The following MTSS1 variants were observed in gnomAD, a reference collection of about 807,000 sequenced individuals.
MTSS1 encodes protein MTSS 1.
A neutral mutation model predicts 79.0 loss-of-function variants in MTSS1; 18 were observed. That is an observed-to-expected ratio of 0.23 (90% CI 0.16 to 0.34). The LOEUF (loss-of-function observed/expected upper bound fraction) is 0.34, where lower values mean the gene tolerates loss of function less well. Among genes scored for constraint, MTSS1 ranks in the 10% least tolerant of loss-of-function variants. MTSS1 has a pLI of 1.00. For missense variants in MTSS1, 815 were observed against 986.2 expected, an observed-to-expected ratio of 0.83 and a Z score of 2.33; for synonymous variants, 341 against 368.6, an observed-to-expected ratio of 0.93 and a Z score of 0.86.
intron 3 of MTSS1, among the ~76,000 whole-genome samples, chr8:124,660,471 C>CAA (rs1554703739): frequency 4.3e-4 from 65 of 150,374 alleles, no homozygotes; most frequent in African/African-American, 1.5e-3. Context: ...CACACACACA[C>CAA]ACCCTCAAGC....
chr8:124,600,362 T>C (rs1833576164), intron 3 of MTSS1, among the ~76,000 whole-genome samples: 1 of 152,236 alleles, frequency 6.6e-6, no homozygotes, highest in African/African-American at 2.4e-5. Flanking sequence ...TAGCTTATAA[T>C]TAAATTATTT....
intron 1 of MTSS1, among the ~76,000 whole-genome samples, chr8:124,726,076 C>T (rs1833656536): frequency 1.3e-5 from 2 of 152,160 alleles, no homozygotes; most frequent in Admixed American, 6.5e-5. Flanking sequence ...TACACAAACT[C>T]TAGATTCCGC....
intron 3 of MTSS1, among the ~76,000 whole-genome samples, chr8:124,602,207 A>ATACACACACACACATATATAT: frequency 7.0e-6 from 1 of 142,244 alleles, no homozygotes; most frequent in South Asian, 2.2e-4. Context: ...ATATATATAT[A>ATACACACACACACATATATAT]ATTTTTTTTT....
chr8:124,688,816 C>A (rs1800958038), intron 3 of MTSS1, among the ~76,000 whole-genome samples: 2 of 152,014 alleles, frequency 1.3e-5, no homozygotes, highest in South Asian at 4.2e-4. Context: ...CAATAGAAAA[C>A]CCAACGCTAG....
intron 1 of MTSS1, among the ~76,000 whole-genome samples, chr8:124,705,984 G>C (rs1224823453): frequency 6.6e-6 from 1 of 152,174 alleles, no homozygotes; most frequent in East Asian, 1.9e-4. Context: ...CTGCCTTAAA[G>C]GCACATCTGA....
intron 3 of MTSS1, among the ~76,000 whole-genome samples, chr8:124,611,534 C>A (rs1835822491): frequency 6.6e-6 from 1 of 152,046 alleles, no homozygotes. Flanking sequence ...TCTGTCCATG[C>A]AGAACAGACC....
intron 3 of MTSS1, among the ~76,000 whole-genome samples, chr8:124,634,283 T>TG (rs1554686067): frequency 1.3e-5 from 2 of 150,702 alleles, no homozygotes; most frequent in Non-Finnish European, 2.9e-5. Flanking sequence ...CTAGTTTTTT[T>TG]TTGTTGTTGT....
intron 3 of MTSS1, among the ~76,000 whole-genome samples, chr8:124,608,123 G>A (rs151056449): frequency 1.2e-3 from 177 of 151,978 alleles, no homozygotes; most frequent in African/African-American, 3.9e-3. Context: ...CTCTGTATTA[G>A]ATGCCCCTCT....
At chr8:124,672,263 G>T (rs1824361815) in intron 3 of MTSS1, among the ~76,000 whole-genome samples, 2 of 152,220 alleles carry the variant, frequency 1.3e-5, no homozygotes, top group Admixed American at 1.3e-4. Flanking sequence ...GGAGGCCAAG[G>T]CGGGTGGATG....
intron 3 of MTSS1, among the ~76,000 whole-genome samples, chr8:124,657,608 C>T (rs940400337): frequency 2.0e-5 from 3 of 152,114 alleles, no homozygotes; most frequent in African/African-American, 4.8e-5. Flanking sequence ...GTGACAGAGA[C>T]GGTTCTGGGG....
At chr8:124,687,204 C>T (rs1827129439) in intron 3 of MTSS1, among the ~76,000 whole-genome samples, 1 of 152,180 alleles carries the variant, frequency 6.6e-6, no homozygotes, top group South Asian at 2.1e-4. Context: ...CCTTCAATCT[C>T]ATTAAGCAGG....
rs1343868499 is a variant in MTSS1, at chr8:124,727,083, C to T, written c.72+801G>A. On this transcript the variant is annotated intron_variant, in intron 1 of 13. Transcript: ENST00000518547. The surrounding 1 kb of genome is among the most constrained non-coding windows in gnomAD (Gnocchi z 4.7). The stretch of plus-strand genomic sequence containing the variant: ...AAACCAGGGTGTTGTTCCCCGCCCC[C>T]ACGCGCGCGCGCGCACACACACATG... 6.6e-6 allele frequency among the ~76,000 whole-genome samples: 1 copy of T among 152,084 alleles called. No homozygotes were observed. The highest frequency in any genetic ancestry group is 1.5e-5 in the Non-Finnish European group (1 of 67,994).
intron 5 of MTSS1, among the ~76,000 whole-genome samples, chr8:124,586,474 G>C (rs918788639): frequency 6.6e-6 from 1 of 152,064 alleles, no homozygotes; most frequent in Admixed American, 6.6e-5. Context: ...AACCTCTGGG[G>C]CTCCCTGTAT....
chr8:124,559,746 T>C (rs1278940567), intron 10 of MTSS1, among the ~76,000 whole-genome samples: 3 of 152,208 alleles, frequency 2.0e-5, no homozygotes, highest in East Asian at 3.9e-4. Context: ...TGAGTGACAA[T>C]GATCATCTCT....
intron 3 of MTSS1, among the ~76,000 whole-genome samples, chr8:124,616,814 C>T (rs1480733423): frequency 1.3e-5 from 2 of 152,196 alleles, no homozygotes; most frequent in Non-Finnish European, 2.9e-5. Context: ...ATGAGACTGA[C>T]GTGCTACCTA....
At chr8:124,613,212 A>G (rs1463868943) in intron 3 of MTSS1, among the ~76,000 whole-genome samples, 1 of 152,196 alleles carries the variant, frequency 6.6e-6, no homozygotes, top group African/African-American at 2.4e-5. Context: ...ATCCCTGGTC[A>G]CTGTTCCAGC....
chr8:124,567,918 C>A (rs1463783529), intron 7 of MTSS1: 2 of 1,411,734 alleles, frequency 1.4e-6, no homozygotes, highest in Non-Finnish European at 1.8e-6. Context: ...TAAATTGATT[C>A]ATTGAGGCTC....
At chr8:124,704,336 T>C (rs767930927) in intron 1 of MTSS1, 145 bp from the exon 2 acceptor site, 2 of 709,252 alleles carry the variant, frequency 2.8e-6, no homozygotes, top group Non-Finnish European at 5.0e-6. Context: ...TCCCGGATTC[T>C]ATATACATGT....
At chr8:124,685,888 G>T (rs1826883241) in intron 3 of MTSS1, among the ~76,000 whole-genome samples, 1 of 152,154 alleles carries the variant, frequency 6.6e-6, no homozygotes, top group African/African-American at 2.4e-5. Context: ...AGTGGGAGGG[G>T]ACAGGCCACG....
Sources: allele counts gnomAD v4.1 joint callset (sites outside exome capture counted in the v4.1 genomes callset), GRCh38; gene constraint gnomAD v4.1.1; non-coding constraint Gnocchi (gnomAD v3.1); transcripts MANE v1.5; gene names NCBI Gene and HGNC (gene_info 2026-07-23, HGNC 2026-07-21).